The following BIRC6 variants were observed in gnomAD, a reference collection of about 807,000 sequenced individuals.
BIRC6 encodes the protein baculoviral IAP repeat containing 6.
Under a neutral mutation model 503.3 loss-of-function variants are expected in BIRC6, and 98 were observed. The observed-to-expected ratio is 0.19, with a 90% CI of 0.17 to 0.23. The LOEUF is 0.23. Among genes scored for constraint, BIRC6 ranks in the 10% least tolerant of loss-of-function variants. The probability of loss-of-function intolerance (pLI) is 1.00; values close to 1 mark genes in which losing one functional copy is unlikely to be tolerated. For missense variants in BIRC6, 5,360 were observed against 5,806.0 expected (o/e 0.92, Z 2.50); for synonymous variants, 2,240 against 2,078.7 (o/e 1.08, Z -2.11).
At chr2:32,506,892 A>G (rs1226199251) in intron 50 of BIRC6, among the ~76,000 whole-genome samples, 1 of 152,166 alleles carries the variant, frequency 6.6e-6, no homozygotes, top group African/African-American at 2.4e-5. Context: ...AAAGGTTTTG[A>G]AGTAGAAATT....
intron 36 of BIRC6, 136 bp downstream of exon 36, chr2:32,478,954 G>T: frequency 1.3e-6 from 1 of 789,468 alleles, no homozygotes; most frequent in Non-Finnish European, 2.0e-6. Context: ...TAATCGGTGT[G>T]ATGTTATAGC....
chr2:32,539,940 A>G (rs1259082014), intron 61 of BIRC6, among the ~76,000 whole-genome samples: 3 of 152,114 alleles, frequency 2.0e-5, no homozygotes, highest in South Asian at 4.1e-4. Flanking sequence ...CACAAATTGG[A>G]CATCCACAAA....
intron 65 of BIRC6, among the ~76,000 whole-genome samples, chr2:32,571,468 T>G (rs943557057): frequency 1.0e-4 from 15 of 149,848 alleles, no homozygotes; most frequent in African/African-American, 3.4e-4. Flanking sequence ...AAATTCAGTT[T>G]GTTTCTTGTT....
intron 65 of BIRC6, chr2:32,557,848 C>T (rs1270501132): frequency 6.6e-6 from 1 of 152,012 alleles, no homozygotes; most frequent in African/African-American, 2.4e-5. Context: ...ACAGAAGTAC[C>T]AGTTTTCCCA....
intron 19 of BIRC6, 36 bp from the exon 20 acceptor site, chr2:32,443,455 A>G: frequency 7.0e-7 from 1 of 1,433,668 alleles, no homozygotes; most frequent in Non-Finnish European, 9.6e-7. Context: ...ACCTTGAGTA[A>G]TGTCTTTACA....
Position 32,545,758 on chromosome 2 carries a change from G to A in BIRC6, c.12708G>A (p.Arg4236=). 1 of 1,613,820 alleles carries A rather than the reference G, an allele frequency of 6.2e-7. No individual in the cohort carries two copies. The highest frequency in any genetic ancestry group is 8.5e-7 in the Non-Finnish European group (1 of 1,179,822). ...CTGATGATGGTGTACTTCTAAGGCG[G>A]ATGGCATTGGAAATTGGAGCCTTAC... ...LTTDDGVLLR[R]MALEIGALHL... Residue 4236 remains arginine, a synonymous_variant, in exon 63 of 74, where the codon CGG becomes CGA. Coordinates refer to ENST00000421745, the MANE Select transcript of BIRC6 (RefSeq NM_016252.4).
chr2:32,448,716 G>A, intron 21 of BIRC6, 79 bp from the exon 22 acceptor site: 1 of 1,378,496 alleles, frequency 7.3e-7, no homozygotes, highest in Non-Finnish European at 1.0e-6. Flanking sequence ...TAGTCAGACT[G>A]CTTTTAAAAC....
chr2:32,374,527 C>T (rs2036447672), intron 1 of BIRC6, among the ~76,000 whole-genome samples: 1 of 150,060 alleles, frequency 6.7e-6, no homozygotes, highest in Admixed American at 6.7e-5. Flanking sequence ...GGCTGGAGTG[C>T]AGTGGCGTGA....
At chr2:32,522,927 TC>T (rs2055887205) in intron 57 of BIRC6, 1 of 152,222 alleles carries the variant, frequency 6.6e-6, no homozygotes, top group Non-Finnish European at 1.5e-5. Context: ...GGCTCTTACA[TC>T]CTCAGTCTAG....
chr2:32,453,465 A>G (rs1265782769), intron 22 of BIRC6, among the ~76,000 whole-genome samples: 1 of 152,136 alleles, frequency 6.6e-6, no homozygotes, highest in African/African-American at 2.4e-5. Flanking sequence ...CTGATTTACT[A>G]CTTTTTTCAC....
chr2:32,485,914 G>C (rs1198374721), intron 40 of BIRC6, among the ~76,000 whole-genome samples, 155 bp downstream of exon 40: 3 of 152,202 alleles, frequency 2.0e-5, no homozygotes, highest in Non-Finnish European at 2.9e-5. Flanking sequence ...TTAGTAGCAA[G>C]TTGAAAACTA....
chr2:32,604,623 A>T (rs1336136949), intron 71 of BIRC6, among the ~76,000 whole-genome samples: 2 of 152,226 alleles, frequency 1.3e-5, no homozygotes, highest in Non-Finnish European at 2.9e-5. Context: ...CTTATCAAAT[A>T]CAAACTTTAT....
chr2:32,608,972 C>T (rs998686502), intron 72 of BIRC6, among the ~76,000 whole-genome samples: 1 of 151,950 alleles, frequency 6.6e-6, no homozygotes, highest in Admixed American at 6.6e-5. Context: ...CTCCGCCTCC[C>T]CGGTTCAAGT....
intron 57 of BIRC6, among the ~76,000 whole-genome samples, chr2:32,520,035 G>A (rs930669701): frequency 1.3e-5 from 2 of 152,182 alleles, no homozygotes; most frequent in Non-Finnish European, 2.9e-5. Context: ...ATTATAACAT[G>A]AATATAAGTA....
At position 32,466,165 on chromosome 2, in the gene BIRC6, A is replaced by T. The variant is rs189520165; in HGVS notation, c.5356+1001A>T. On this transcript the variant is annotated intron_variant, in intron 26 of 73. Coordinates refer to ENST00000421745, the MANE Select transcript of BIRC6 (RefSeq NM_016252.4). ...TTCTTTTAAACTAGCTCTGTCGAGA[A>T]TAGCACTATTCCTAGAAGTTTAATT... Among the ~76,000 whole-genome samples the T allele has an allele frequency of 1.8e-4, 28 of 152,298 alleles. No individual in the cohort carries two copies. In the East Asian group the frequency reaches 5.4e-3, roughly 29 times the overall value.
intron 9 of BIRC6, among the ~76,000 whole-genome samples, chr2:32,412,772 A>C (rs1012407026): frequency 2.0e-5 from 3 of 152,174 alleles, no homozygotes; most frequent in African/African-American, 7.2e-5. Flanking sequence ...AGAGTGGTGA[A>C]AGAAAGGAAA....
intron 45 of BIRC6, among the ~76,000 whole-genome samples, chr2:32,494,143 T>A (rs564428880): frequency 3.3e-5 from 5 of 152,342 alleles, no homozygotes; most frequent in Non-Finnish European, 7.3e-5. Flanking sequence ...ATTATTATAA[T>A]GCATGAATGC....
At chr2:32,383,211 T>C (rs952466162) in intron 3 of BIRC6, among the ~76,000 whole-genome samples, 3 of 151,192 alleles carry the variant, frequency 2.0e-5, no homozygotes, top group African/African-American at 7.3e-5. Flanking sequence ...CACGCCTGGC[T>C]AACTTTTGTA....
chr2:32,468,160 A>G (rs1355432208), intron 28 of BIRC6, 49 bp downstream of exon 28: 12 of 1,536,736 alleles, frequency 7.8e-6, no homozygotes, highest in Non-Finnish European at 1.1e-5. Flanking sequence ...TGTATTTTAT[A>G]TAATGTCTTG....
Sources: allele counts gnomAD v4.1 joint callset (sites outside exome capture counted in the v4.1 genomes callset), GRCh38; gene constraint gnomAD v4.1.1; transcripts MANE v1.5; gene names NCBI Gene and HGNC (gene_info 2026-07-23, HGNC 2026-07-21).